LMX1A: variants seen among roughly 807,000 people sequenced by gnomAD.
LMX1A encodes the protein LIM homeobox transcription factor 1-alpha.
Under a neutral mutation model 49.1 loss-of-function variants are expected in LMX1A, and 15 were observed. The observed-to-expected ratio is 0.31, with a 90% CI of 0.20 to 0.47. LMX1A has a LOEUF of 0.47. LMX1A is among the 20% of genes least tolerant of loss of function. The pLI is 1.00. For synonymous variants in LMX1A, 167 were observed against 185.7 expected, an observed-to-expected ratio of 0.90 and a Z score of 0.82; for missense variants, 372 against 475.8, an observed-to-expected ratio of 0.78 and a Z score of 2.03.
chr1:165,317,468 T>C (rs946129873), intron 3 of LMX1A, among the ~76,000 whole-genome samples: 2 of 152,210 alleles, frequency 1.3e-5, no homozygotes, highest in Admixed American at 1.3e-4. Flanking sequence ...ATAACTACAG[T>C]ATTAAAAAGT....
intron 3 of LMX1A, among the ~76,000 whole-genome samples, chr1:165,331,220 T>C (rs1375005896): frequency 1.3e-5 from 2 of 152,080 alleles, no homozygotes; most frequent in Non-Finnish European, 1.5e-5. Flanking sequence ...ATTATAACTA[T>C]GCTCAAGGAT....
chr1:165,221,705 C>T (rs552442092), intron 4 of LMX1A, among the ~76,000 whole-genome samples: 20 of 152,178 alleles, frequency 1.3e-4, no homozygotes, highest in Admixed American at 1.0e-3. Flanking sequence ...GCTGGCAGCC[C>T]GCCACGGCCT....
chr1:165,305,875 G>T (rs1283759548), intron 3 of LMX1A, among the ~76,000 whole-genome samples: 1 of 152,130 alleles, frequency 6.6e-6, no homozygotes, highest in East Asian at 1.9e-4. Context: ...CCAACCAAGA[G>T]CCATAGCACA....
chr1:165,345,693 C>T (rs796661682), intron 3 of LMX1A, among the ~76,000 whole-genome samples: 6 of 152,276 alleles, frequency 3.9e-5, no homozygotes, highest in African/African-American at 1.4e-4. Context: ...TGCCTGAGCC[C>T]CACCCAACTG....
chr1:165,332,810 G>C (rs979763361), intron 3 of LMX1A, among the ~76,000 whole-genome samples: 4 of 152,166 alleles, frequency 2.6e-5, no homozygotes, highest in African/African-American at 9.7e-5. Context: ...CTCAGCAACA[G>C]AACTGTCTCA....
At chr1:165,313,689 C>T (rs1172719474) in intron 3 of LMX1A, among the ~76,000 whole-genome samples, 1 of 152,050 alleles carries the variant, frequency 6.6e-6, no homozygotes, top group African/African-American at 2.4e-5. Flanking sequence ...AAATTCCCAG[C>T]TCATTTCCCT....
intron 4 of LMX1A, among the ~76,000 whole-genome samples, chr1:165,230,951 A>T (rs1652219278): frequency 6.6e-6 from 1 of 152,226 alleles, no homozygotes; most frequent in African/African-American, 2.4e-5. Flanking sequence ...GGGTATGATC[A>T]TTAACTCCAT....
At chr1:165,216,159 A>G (rs573108537) in intron 4 of LMX1A, 2 of 152,326 alleles carry the variant, frequency 1.3e-5, no homozygotes, top group South Asian at 2.1e-4. Flanking sequence ...GATCTCAGAC[A>G]TAACCTTGGT....
At chr1:165,246,400 A>G (rs1043682302) in intron 4 of LMX1A, among the ~76,000 whole-genome samples, 2 of 152,306 alleles carry the variant, frequency 1.3e-5, no homozygotes, top group Middle Eastern at 3.4e-3. Context: ...TAAAACTACA[A>G]CAATAATTAT....
intron 3 of LMX1A, among the ~76,000 whole-genome samples, chr1:165,303,383 G>T (rs537829931): frequency 1.3e-5 from 2 of 152,278 alleles, no homozygotes; most frequent in East Asian, 3.9e-4. Flanking sequence ...TTCCCAATGT[G>T]CTGGGGGCTG....
chr1:165,258,016 G>A (rs1653306833), intron 3 of LMX1A, among the ~76,000 whole-genome samples: 2 of 152,216 alleles, frequency 1.3e-5, no homozygotes, highest in South Asian at 2.1e-4. Flanking sequence ...GAGTTTTGAT[G>A]AGATATATGA....
chr1:165,329,317 G>A (rs561276817), intron 3 of LMX1A, among the ~76,000 whole-genome samples: 28 of 152,248 alleles, frequency 1.8e-4, no homozygotes, highest in African/African-American at 6.3e-4. Context: ...GGATTATGGG[G>A]ATTACAATTC....
At position 165,210,768 on chromosome 1, in the gene LMX1A, C is replaced by T; in HGVS notation, c.678G>A (p.Glu226=). The change falls in exon 6 of 9, where the codon GAG becomes GAA. Residue 226 remains glutamate, a synonymous_variant. Transcript: ENST00000342310. ...TCAGCCCTGTCTCTGCAGCCAGAGT[C>T]TCTCTCACCTTGGAAAAATTGAACG... The part of the protein sequence containing the change: ...VSSKPCRKVR[E]TLAAETGLSV... 1.2e-6 allele frequency: 2 copies of T among 1,613,602 alleles called. No individual in the cohort carries two copies. The highest frequency in any genetic ancestry group is 1.7e-6 in the Non-Finnish European group (2 of 1,179,658).
intron 3 of LMX1A, among the ~76,000 whole-genome samples, chr1:165,319,019 A>T (rs1026851171): frequency 1.5e-5 from 2 of 135,370 alleles, no homozygotes; most frequent in Non-Finnish European, 3.3e-5. Flanking sequence ...ACACACACAC[A>T]CACACACACA....
chr1:165,255,198 C>T (rs1653193687), intron 3 of LMX1A, among the ~76,000 whole-genome samples: 1 of 152,212 alleles, frequency 6.6e-6, no homozygotes, highest in African/African-American at 2.4e-5. Flanking sequence ...CTGGGAATAG[C>T]ACAAAGAAGA....
intron 3 of LMX1A, among the ~76,000 whole-genome samples, chr1:165,323,245 C>G (rs953608776): frequency 1.3e-5 from 2 of 152,132 alleles, no homozygotes; most frequent in African/African-American, 4.8e-5. Context: ...GCCCACTATA[C>G]AGGTCAGTTA....
intron 3 of LMX1A, among the ~76,000 whole-genome samples, chr1:165,336,765 C>T (rs570537462): frequency 6.6e-6 from 1 of 152,190 alleles, no homozygotes; most frequent in African/African-American, 2.4e-5. Flanking sequence ...CCTTCCTCAA[C>T]GACCTAATGC....
chr1:165,271,993 T>C (rs1445828573), intron 3 of LMX1A, among the ~76,000 whole-genome samples: 3 of 152,188 alleles, frequency 2.0e-5, no homozygotes, highest in Admixed American at 6.5e-5. Flanking sequence ...AGAGGACATT[T>C]TCTTTCTTTT....
intron 3 of LMX1A, among the ~76,000 whole-genome samples, chr1:165,311,445 A>G (rs980064354): frequency 6.6e-6 from 1 of 152,200 alleles, no homozygotes; most frequent in African/African-American, 2.4e-5. Flanking sequence ...ATGACACGAC[A>G]GGAGTGGCCT....
Sources: allele counts gnomAD v4.1 joint callset (sites outside exome capture counted in the v4.1 genomes callset), GRCh38; gene constraint gnomAD v4.1.1; transcripts MANE v1.5; gene names NCBI Gene and HGNC (gene_info 2026-07-23, HGNC 2026-07-21).